Variants in AKT3 observed in about 807,000 individuals in gnomAD.
The protein encoded by AKT3 is RAC-gamma serine/threonine-protein kinase.
A neutral mutation model predicts 65.3 loss-of-function variants in AKT3; 15 were observed. The observed-to-expected ratio is 0.23, with a 90% CI of 0.15 to 0.35. The LOEUF is 0.35. Ranked by LOEUF, AKT3 falls within the 10% of genes least tolerant of loss-of-function variation. The probability of loss-of-function intolerance (pLI) is 1.00; values close to 1 mark genes in which losing one functional copy is unlikely to be tolerated. For missense variants in AKT3, 243 were observed against 576.5 expected, an observed-to-expected ratio of 0.42 and a Z score of 5.92; for synonymous variants, 206 against 183.8, an observed-to-expected ratio of 1.12 and a Z score of -0.98.
intron 2 of AKT3, chr1:243,814,715 GCTAT>G (rs1279781277): frequency 6.6e-6 from 1 of 152,150 alleles, no homozygotes; most frequent in African/African-American, 2.4e-5. Context: ...CACTCCATTA[GCTAT>G]CTATCACTGC....
chr1:243,674,304 T>A lies in AKT3; in HGVS notation c.173-9421A>T, dbSNP rs1444037466. Among the ~76,000 whole-genome samples, 4 of 152,020 alleles carry A rather than the reference T, an allele frequency of 2.6e-5. No homozygotes were observed. The South Asian group carries it at 6.2e-4, about 24-fold the overall frequency. On this transcript the variant is annotated intron_variant, in intron 3 of 13. Transcript: ENST00000673466. ...ATCTGGTAACCACATGAGAGAAACTTAGTTTATAATGAAGAGATGACACTG... is the reference window on the plus strand; with the variant it reads ...ATCTGGTAACCACATGAGAGAAACTAAGTTTATAATGAAGAGATGACACTG...
chr1:243,693,683 G>A (rs1270944626), intron 3 of AKT3, among the ~76,000 whole-genome samples: 1 of 151,972 alleles, frequency 6.6e-6, no homozygotes, highest in Non-Finnish European at 1.5e-5. Flanking sequence ...CGGCCAGGTT[G>A]GAATTTGAAC....
intron 1 of AKT3, among the ~76,000 whole-genome samples, chr1:243,846,331 T>A (rs1224254763): frequency 9.2e-5 from 14 of 152,186 alleles, no homozygotes; most frequent in African/African-American, 7.2e-5. Context: ...TAAATTTTTT[T>A]AAATCCATCC....
intron 4 of AKT3, among the ~76,000 whole-genome samples, chr1:243,661,383 G>C (rs1435480512): frequency 2.0e-5 from 3 of 152,170 alleles, no homozygotes; most frequent in Non-Finnish European, 2.9e-5. Flanking sequence ...GAACAGAACA[G>C]GGCCCTCAGA....
At chr1:243,770,027 G>A (rs986048363) in intron 2 of AKT3, among the ~76,000 whole-genome samples, 1 of 152,078 alleles carries the variant, frequency 6.6e-6, no homozygotes, top group African/African-American at 2.4e-5. Context: ...TTTTATATGT[G>A]GAAATCGGGT....
chr1:243,778,600 G>A (rs1264453002), intron 2 of AKT3, among the ~76,000 whole-genome samples: 2 of 152,130 alleles, frequency 1.3e-5, no homozygotes, highest in African/African-American at 4.8e-5. Context: ...GTAGGCCAAT[G>A]GTTTAGAGGT....
At chr1:243,538,190 G>C (rs1672061949) in intron 12 of AKT3, among the ~76,000 whole-genome samples, 1 of 152,120 alleles carries the variant, frequency 6.6e-6, no homozygotes, top group African/African-American at 2.4e-5. Context: ...CTAAAGAATA[G>C]ATGGAGGAAA....
chr1:243,796,956 T>C (rs997527412), intron 2 of AKT3, among the ~76,000 whole-genome samples: 4 of 152,044 alleles, frequency 2.6e-5, no homozygotes, highest in Non-Finnish European at 5.9e-5. Context: ...TGGTTGTTGT[T>C]AGGGGCTGAG....
In AKT3 at chr1:243,755,188, C is replaced by T. The variant is rs185339325; in HGVS notation, c.47-59472G>A. Among the ~76,000 whole-genome samples the T allele has an allele frequency of 1.0e-3, 154 of 152,056 alleles. 1 individual carries two copies. Among genetic ancestry groups the T allele is most frequent in the Admixed American group, 9.8e-3 (150 of 15,262 alleles). ...GGTTCAAGCAATTCTCATGCCTCAG[C>T]CTCCAGAGCAGTGGGGATTACAGGC... On this transcript the variant is annotated intron_variant, in intron 2 of 13. Transcript: ENST00000673466.
At chr1:243,576,471 C>T (rs1206639918) in intron 8 of AKT3, among the ~76,000 whole-genome samples, 1 of 152,068 alleles carries the variant, frequency 6.6e-6, no homozygotes, top group East Asian at 1.9e-4. Context: ...TGACATGATC[C>T]TGTATCTAGA....
At chr1:243,806,611 G>C (rs187402086) in intron 2 of AKT3, among the ~76,000 whole-genome samples, 139 of 152,158 alleles carry the variant, frequency 9.1e-4, no homozygotes, top group African/African-American at 3.3e-3. Flanking sequence ...TTAATGTTAA[G>C]TACATTGTAT....
intron 13 of AKT3, among the ~76,000 whole-genome samples, chr1:243,494,347 C>G (rs1667284044): frequency 6.6e-6 from 1 of 152,198 alleles, no homozygotes. Flanking sequence ...TCTTTCAAAA[C>G]TGTGTACAAG....
At chr1:243,715,768 T>C (rs1686474749) in intron 2 of AKT3, among the ~76,000 whole-genome samples, 1 of 152,118 alleles carries the variant, frequency 6.6e-6, no homozygotes, top group African/African-American at 2.4e-5. Flanking sequence ...GACTTATCTT[T>C]TTATCACATA....
At chr1:243,697,589 A>G (rs575922618) in intron 2 of AKT3, among the ~76,000 whole-genome samples, 58 of 152,230 alleles carry the variant, frequency 3.8e-4, no homozygotes, top group Admixed American at 1.6e-3. Flanking sequence ...AACACTGTCT[A>G]TAATTTTATA....
intron 2 of AKT3, among the ~76,000 whole-genome samples, chr1:243,750,583 C>CTT (rs1366859334): frequency 2.2e-4 from 31 of 140,452 alleles, no homozygotes; most frequent in African/African-American, 4.2e-4. Context: ...TAAGGCTAAT[C>CTT]TTTTTTTTTT....
chr1:243,523,565 C>A (rs567866143), intron 12 of AKT3, among the ~76,000 whole-genome samples: 1 of 152,158 alleles, frequency 6.6e-6, no homozygotes, highest in East Asian at 1.9e-4. Flanking sequence ...AGATCTAGTC[C>A]AATCCCCTCA....
chr1:243,653,540 A>G (rs1444255276), intron 4 of AKT3, among the ~76,000 whole-genome samples: 1 of 152,180 alleles, frequency 6.6e-6, no homozygotes, highest in Non-Finnish European at 1.5e-5. Flanking sequence ...ATCCTGATCA[A>G]TGTACCATGC....
chr1:243,711,115 T>C (rs1458045230), intron 2 of AKT3, among the ~76,000 whole-genome samples: 1 of 152,188 alleles, frequency 6.6e-6, no homozygotes, highest in Non-Finnish European at 1.5e-5. Flanking sequence ...GGTCAGGAGT[T>C]ACAGACAAGC....
intron 12 of AKT3, among the ~76,000 whole-genome samples, chr1:243,517,382 GCTGTAT>G (rs1373431857): frequency 6.6e-6 from 1 of 152,142 alleles, no homozygotes; most frequent in East Asian, 1.9e-4. Context: ...CTCTCCAATT[GCTGTAT>G]CAATTATTTG....
Sources: gnomAD v4.1 joint callset for allele counts (sites outside exome capture counted in the v4.1 genomes callset) on GRCh38, gnomAD v4.1.1 for gene constraint, MANE v1.5 for transcripts, NCBI Gene and HGNC (gene_info 2026-07-23, HGNC 2026-07-21) for gene names.